The following HDAC6 variants were observed in gnomAD, a reference collection of about 807,000 sequenced individuals.
HDAC6 encodes the protein protein deacetylase HDAC6.
Under a neutral mutation model 88.9 loss-of-function variants are expected in HDAC6, and 5 were observed. The ratio of observed to expected loss-of-function variants is 0.06; its 90% CI spans 0.03 to 0.12. The LOEUF (loss-of-function observed/expected upper bound fraction) is 0.12. Among genes scored for constraint, HDAC6 ranks in the 10% least tolerant of loss-of-function variants. The probability of loss-of-function intolerance (pLI) is 1.00; values close to 1 mark genes in which losing one functional copy is unlikely to be tolerated. For missense variants in HDAC6, 706 were observed against 1,014.4 expected (o/e 0.70, Z 4.13); for synonymous variants, 378 against 398.0 (o/e 0.95, Z 0.60).
upstream of HDAC6, chrX:48,801,716 C>T (rs1246173735): frequency 1.1e-5 from 5 of 456,367 alleles, no homozygotes; most frequent in East Asian, 2.0e-4. Context: ...CGTAGCACGC[C>T]GACGCACCGC....
rs1157857116 is a variant in HDAC6 at position 48,806,381 on chromosome X, G to A, written c.451G>A (p.Asp151Asn). Residue 151 changes from aspartate (D) to asparagine (N), a missense_variant, in exon 7 of 29, where the codon GAT becomes AAT. Physicochemically the swap from Asp to Asn is conservative, Grantham distance 23. This residue lies in a region of HDAC6 where 193 missense variants were observed against 258.2 expected (regional missense o/e 0.75). Coordinates refer to ENST00000334136, the MANE Select transcript of HDAC6 (RefSeq NM_006044.4). Reference protein sequence around the residue: ...LMLVHSLEYIDLMETTQYMNE... With the variant: ...LMLVHSLEYINLMETTQYMNE... ...ATCTGTGTCTAGCCTAGAATATATTGATCTGATGGAAACAACCCAGTACAT... is the reference window on the plus strand; with the variant it reads ...ATCTGTGTCTAGCCTAGAATATATTAATCTGATGGAAACAACCCAGTACAT... The A allele has an allele frequency of 8.5e-7, 1 of 1,178,902 alleles. No individual in the cohort carries two copies. Among genetic ancestry groups the A allele is most frequent in the Non-Finnish European group, 1.2e-6 (1 of 866,827 alleles).
At position 48,824,932 on chromosome X, in the gene HDAC6, G is replaced by A; in HGVS notation, c.*320G>A. The A allele has an allele frequency of 9.4e-7, 1 of 1,061,280 alleles. No homozygotes were observed. Among genetic ancestry groups the A allele is most frequent in the Non-Finnish European group, 1.2e-6 (1 of 813,543 alleles). 87.5% of individuals were successfully genotyped at this position (1,061,280 alleles called of 1,213,427 possible). Reference sequence around the variant, plus strand: ...TGGCGGGAGGGGAGTTAACTGGCAGGCATGGCAAGGTTGCATATGTAATAA... The same window carrying A: ...TGGCGGGAGGGGAGTTAACTGGCAGACATGGCAAGGTTGCATATGTAATAA... On this transcript the variant is annotated 3_prime_UTR_variant, in exon 29 of 29. Coordinates refer to ENST00000334136, the MANE Select transcript of HDAC6 (RefSeq NM_006044.4).
chrX:48,814,072 GC>G (rs2062943095), intron 10 of HDAC6: 1 of 185,490 alleles, frequency 5.4e-6, no homozygotes, highest in South Asian at 9.7e-5. Flanking sequence ...AGAGTCAGGA[GC>G]CCCCATGATC....
intron 10 of HDAC6, among the ~76,000 whole-genome samples, chrX:48,813,095 G>C (rs2062927117): frequency 1.8e-5 from 2 of 111,979 alleles, no homozygotes; most frequent in African/African-American, 6.5e-5. Context: ...TTTTAGTAGA[G>C]ACAGGGTTTC....
intron 26 of HDAC6, 46 bp downstream of exon 26, chrX:48,823,831 A>G: frequency 8.4e-7 from 1 of 1,195,242 alleles, no homozygotes; most frequent in Non-Finnish European, 1.1e-6. Flanking sequence ...TCTCTTGCCA[A>G]TTTGTGTCTC....
chrX:48,814,650 C>T (rs1557026817), intron 11 of HDAC6, 25 bp from the exon 12 acceptor site: 1 of 1,206,801 alleles, frequency 8.3e-7, no homozygotes, highest in South Asian at 1.8e-5. Flanking sequence ...GCTGAACATC[C>T]CCCATCACAC....
At chrX:48,811,788 C>T (rs978008800) in intron 10 of HDAC6, among the ~76,000 whole-genome samples, 5 of 111,629 alleles carry the variant, frequency 4.5e-5, no homozygotes, top group African/African-American at 1.6e-4. Flanking sequence ...ATTAATTTTT[C>T]TGGTTTTATC....
intron 6 of HDAC6, 158 bp from the exon 7 acceptor site, chrX:48,806,210 C>T (rs2062814859): frequency 4.6e-6 from 2 of 439,057 alleles, no homozygotes; most frequent in African/African-American, 2.5e-5. Context: ...TGAACTGAGG[C>T]GGGCTAGGGA....
rs782747872 is a variant in HDAC6 at position 48,803,099 on chromosome X, CTG to C, written c.223-25_223-24del. ...CTCTGACTCAGGGCCTAAAATGGAT[CTG>C]TGTCTCCTTTTTTTTTTCCTCTGCA... On this transcript the variant is annotated intron_variant, in intron 3 of 28. Coordinates refer to ENST00000334136, the MANE Select transcript of HDAC6 (RefSeq NM_006044.4). 1.8e-5 allele frequency: 22 copies of C among 1,201,258 alleles called. No individual in the cohort carries two copies. The Admixed American group carries it at 4.4e-4, about 24-fold the overall frequency.
intron 10 of HDAC6, chrX:48,813,680 T>C (rs782624163): frequency 6.2e-5 from 7 of 112,147 alleles, no homozygotes; most frequent in Admixed American, 1.9e-4. Context: ...AGTATCTGTT[T>C]TGCGTGTCGG....
chrX:48,817,985 A>G, intron 20 of HDAC6, 56 bp from the exon 21 acceptor site: 1 of 1,076,002 alleles, frequency 9.3e-7, no homozygotes, highest in Non-Finnish European at 1.3e-6. Context: ...GGTCTAGCCC[A>G]GCCCTCTTCC....
At chrX:48,817,246 C>T (rs782725207) in intron 19 of HDAC6, 80 bp from the exon 20 acceptor site, 63 of 972,692 alleles carry the variant, frequency 6.5e-5, no homozygotes, top group African/African-American at 3.4e-4. Context: ...AGCGAGACTC[C>T]GTCTCAAAAA....
At chrX:48,821,705 A>C (rs1273531819) in intron 23 of HDAC6, among the ~76,000 whole-genome samples, 4 of 109,290 alleles carry the variant, frequency 3.7e-5, no homozygotes, top group African/African-American at 1.3e-4. Flanking sequence ...CGGGGGTTTC[A>C]CCATGTTGGC....
intron 10 of HDAC6, 125 bp downstream of exon 10, chrX:48,808,451 A>G: frequency 2.1e-6 from 1 of 480,905 alleles, no homozygotes; most frequent in Non-Finnish European, 3.6e-6. Flanking sequence ...TGGGATCAGG[A>G]TCTGTGCTAC....
Position 48,805,627 on chromosome X carries a change from C to A in HDAC6, c.397-4C>A. ...ACCCCACTTTATTCCTCATCTCTCCCCAGGCCCGGTTTGCTGAAAAGGAAG... is the reference window on the plus strand; with the variant it reads ...ACCCCACTTTATTCCTCATCTCTCCACAGGCCCGGTTTGCTGAAAAGGAAG... On this transcript the variant is annotated splice_polypyrimidine_tract_variant and splice_region_variant and intron_variant, in intron 5 of 28. Coordinates refer to ENST00000334136, the MANE Select transcript of HDAC6 (RefSeq NM_006044.4). 8.4e-7 allele frequency: 1 copy of A among 1,183,956 alleles called. No homozygotes were observed. Among genetic ancestry groups the A allele is most frequent in the East Asian group, 3.1e-5 (1 of 32,419 alleles).
chrX:48,807,920 G>C, intron 8 of HDAC6, 113 bp from the exon 9 acceptor site: 4 of 519,367 alleles, frequency 7.7e-6, no homozygotes, highest in African/African-American at 4.6e-5. Flanking sequence ...CAGATTTTTA[G>C]GCATCAGCAT....
chrX:48,817,238 C>T (rs1251337168), intron 19 of HDAC6, 88 bp from the exon 20 acceptor site: 17 of 989,162 alleles, frequency 1.7e-5, no homozygotes, highest in South Asian at 2.7e-5. Context: ...GGCGACAGAG[C>T]GAGACTCCGT....
rs782664775 is a variant in HDAC6, at chrX:48,823,394, A to G, written c.2995A>G (p.Met999Val). Residue 999 changes from methionine to valine, a missense_variant, in exon 25 of 29, where the codon ATG (methionine) becomes GTG (valine). By Grantham distance (21) the Met-to-Val change is conservative. Transcript: ENST00000334136. ...GGCCCAGACCACCTCGGAGGCAGCC[A>G]TGGAGGGAGCCACACTGGACCAGAC... Reference protein sequence around the residue: ...TLAQTTSEAAMEGATLDQTTS... With the variant: ...TLAQTTSEAAVEGATLDQTTS... 2 of 1,208,368 alleles carry G rather than the reference A, an allele frequency of 1.7e-6. No individual in the cohort carries two copies. The highest frequency in any genetic ancestry group is 2.2e-6 in the Non-Finnish European group (2 of 894,365).
rs781974625 is a variant in HDAC6 at position 48,823,580 on chromosome X, G to A, written c.3181G>A (p.Glu1061Lys). 10 of 1,205,274 alleles carry A rather than the reference G, an allele frequency of 8.3e-6. No individual in the cohort carries two copies. In the Middle Eastern group the frequency reaches 9.2e-4, roughly 110 times the overall value. The change falls in exon 25 of 29, where the codon GAA (glutamate) becomes AAA (lysine). Residue 1061 changes from glutamate to lysine, a missense_variant. Around this residue, in one of 9 missense-constraint regions of HDAC6, gnomAD observed 112 missense variants for 95.1 expected, o/e 1.18. Transcript: ENST00000334136. ...GSLRTLELGSESQGASESQAP... is the reference protein window; with the variant it reads ...GSLRTLELGSKSQGASESQAP... ...TCTCAGGACCTTGGAGCTAGGCAGC[G>A]AATCTCAGGTAAGGCTCACCACACC...
Sources: gnomAD v4.1 joint callset for allele counts (sites outside exome capture counted in the v4.1 genomes callset) on GRCh38, gnomAD v4.1.1 for gene constraint, gnomAD v4.1.1 regional missense constraint, MANE v1.5 for transcripts, NCBI Gene and HGNC (gene_info 2026-07-23, HGNC 2026-07-21) for gene names.